The following WDR49 variants were observed in gnomAD, a reference collection of about 807,000 sequenced individuals.
WDR49 encodes the protein WD repeat domain 49, also known as cilia- and flagella-associated protein 337.
Under a neutral mutation model 119.5 loss-of-function variants are expected in WDR49, and 107 were observed. The observed-to-expected ratio is 0.90, with a 90% CI of 0.77 to 1.05. The LOEUF is 1.05. WDR49 is among the 50% of genes least tolerant of loss of function. WDR49 has a pLI of 0.00. For missense variants in WDR49, 1,240 were observed against 1,220.5 expected (o/e 1.02, Z -0.24); for synonymous variants, 425 against 418.8 (o/e 1.01, Z -0.18).
At chr3:167,556,495 AAG>A (rs1031607364) in intron 9 of WDR49, among the ~76,000 whole-genome samples, 1 of 152,204 alleles carries the variant, frequency 6.6e-6, no homozygotes, top group African/African-American at 2.4e-5. Flanking sequence ...GGCATACTTT[AAG>A]AGAGAGCATC....
chr3:167,590,453 G>T (rs894826712), intron 7 of WDR49, among the ~76,000 whole-genome samples: 1 of 151,946 alleles, frequency 6.6e-6, no homozygotes, highest in Non-Finnish European at 1.5e-5. Context: ...CCTTTACTTT[G>T]TGGAGTAGTT....
intron 7 of WDR49, among the ~76,000 whole-genome samples, chr3:167,580,109 A>C (rs1714459904): frequency 6.6e-6 from 1 of 152,206 alleles, no homozygotes; most frequent in South Asian, 2.1e-4. Context: ...AGTCTACAAC[A>C]GGTTACTTCT....
At chr3:167,655,376 T>C (rs1338491909), upstream of WDR49, among the ~76,000 whole-genome samples, 14 of 152,312 alleles carry the variant, frequency 9.2e-5, no homozygotes, top group South Asian at 1.7e-3. Context: ...ATGTGCCCGT[T>C]GCACTTTATT....
chr3:167,531,918 G>T (rs1380825058), intron 12 of WDR49, among the ~76,000 whole-genome samples: 1 of 152,062 alleles, frequency 6.6e-6, no homozygotes, highest in African/African-American at 2.4e-5. Context: ...ATGTCTTTTA[G>T]AAATTTGATA....
In WDR49 at chr3:167,627,100, G is replaced by A. The variant is rs767016971; in HGVS notation, c.358C>T (p.Arg120Ter). Residue 120 changes from arginine (R) to a stop codon, truncating the protein, a stop_gained, in exon 3 of 19, where the codon CGA (arginine) becomes TGA (stop). Transcript: ENST00000682715. LOFTEE classifies it high-confidence loss of function. ...ILLELYEQDE[R>*]AKATVVPQWK... ...TGGGGCACCACAGTTGCCTTTGCTC[G>A]TTCATCTTGCTCATAAAGCTCTAGC... 115 of 1,273,350 alleles carry A rather than the reference G, an allele frequency of 9.0e-5. No homozygotes were observed. Among genetic ancestry groups the A allele is most frequent in the Middle Eastern group, 4.0e-4 (2 of 4,946 alleles). 78.9% of individuals were successfully genotyped at this position (1,273,350 alleles called of 1,614,324 possible). A position where few individuals can be genotyped will look rare whatever the true frequency, so the allele number is the denominator to read the frequency against.
chr3:167,531,409 T>G, intron 12 of WDR49, 130 bp from the exon 13 acceptor site: 1 of 981,750 alleles, frequency 1.0e-6, no homozygotes, highest in Non-Finnish European at 1.5e-6. Flanking sequence ...AGACTTCCAG[T>G]CAACATCTAT....
chr3:167,631,653 C>T (rs6807003), intron 2 of WDR49, among the ~76,000 whole-genome samples: 43,685 of 151,844 alleles, frequency 0.29, 6,563 homozygotes, highest in African/African-American at 0.39. Context: ...CACATCGAAG[C>T]GAGAGTCAGG....
At position 167,551,249 on chromosome 3, in the gene WDR49, G is replaced by C. The variant is rs80328298; in HGVS notation, c.1823+3401C>G. Among the ~76,000 whole-genome samples the C allele has an allele frequency of 7.2e-3, 1,087 of 152,006 alleles. 16 individuals are homozygous for C. The highest frequency in any genetic ancestry group is 0.025 in the African/African-American group (1,024 of 41,486). On this transcript the variant is annotated intron_variant, in intron 10 of 18. Transcript: ENST00000682715. ...AAACAAGTGGATGCCCTTGAAACAG[G>C]AATCATGATTCTTTACATTCAGTAT... is the stretch of plus-strand genomic sequence containing the variant.
intron 10 of WDR49, among the ~76,000 whole-genome samples, chr3:167,553,128 A>G (rs1335803439): frequency 6.6e-6 from 1 of 152,128 alleles, no homozygotes; most frequent in Non-Finnish European, 1.5e-5. Flanking sequence ...AATCTATCTT[A>G]ACATAAAGCC....
intron 11 of WDR49, among the ~76,000 whole-genome samples, chr3:167,533,322 T>C (rs1752915200): frequency 6.6e-6 from 1 of 152,158 alleles, no homozygotes; most frequent in Admixed American, 6.5e-5. Context: ...GTTATTTAAC[T>C]CTGCTTGATG....
rs1247305449 is a variant in WDR49 at position 167,554,719 on chromosome 3, A to G, written c.1754T>C (p.Ile585Thr). Residue 585 changes from isoleucine to threonine, a missense_variant, in exon 10 of 19, where the codon ATT becomes ACT. Physicochemically the swap from Ile to Thr is moderately conservative, Grantham distance 89. Transcript: ENST00000682715. The stretch of plus-strand genomic sequence containing the variant: ...TGTAACCAGTATTTTCTTCTTAAGA[A>G]TGAGGATTTGTGAAATATCCACAGC... Reference protein sequence around the residue: ...DGAVDISQILILKKKILVTGW... With the variant: ...DGAVDISQILTLKKKILVTGW... 3 of 1,613,384 alleles carry G rather than the reference A, an allele frequency of 1.9e-6. No individual in the cohort carries two copies. In the South Asian group the frequency reaches 3.3e-5, roughly 18 times the overall value.
intron 16 of WDR49, among the ~76,000 whole-genome samples, chr3:167,519,200 G>C (rs1335862178): frequency 1.3e-5 from 2 of 152,036 alleles, no homozygotes; most frequent in Non-Finnish European, 2.9e-5. Flanking sequence ...GTTCACTCAT[G>C]GTCTAAGATG....
At chr3:167,589,836 A>C (rs1715014204) in intron 7 of WDR49, among the ~76,000 whole-genome samples, 1 of 152,024 alleles carries the variant, frequency 6.6e-6, no homozygotes, top group Non-Finnish European at 1.5e-5. Flanking sequence ...GGTTTTTCCA[A>C]ATACAAGATG....
intron 16 of WDR49, 137 bp downstream of exon 16, chr3:167,522,178 C>A: frequency 1.3e-6 from 1 of 793,350 alleles, no homozygotes; most frequent in Non-Finnish European, 1.9e-6. Flanking sequence ...TACGCACCTA[C>A]CAATCCCCCA....
chr3:167,514,479 A>C (rs543270487), intron 16 of WDR49, among the ~76,000 whole-genome samples: 2 of 152,278 alleles, frequency 1.3e-5, no homozygotes, highest in Admixed American at 1.3e-4. Flanking sequence ...AATTTACAGC[A>C]CTAAATGCCC....
intron 9 of WDR49, among the ~76,000 whole-genome samples, chr3:167,556,221 T>A (rs965870608): frequency 6.6e-6 from 1 of 152,170 alleles, no homozygotes; most frequent in African/African-American, 2.4e-5. Context: ...AAGAAAACGA[T>A]TTTGGAATCT....
intron 17 of WDR49, among the ~76,000 whole-genome samples, chr3:167,504,175 G>A (rs942055956): frequency 6.6e-6 from 1 of 152,104 alleles, no homozygotes; most frequent in African/African-American, 2.4e-5. Flanking sequence ...TCTGTAAAGA[G>A]GGCCACTGTT....
chr3:167,569,297 A>T (rs1288363461), intron 8 of WDR49, among the ~76,000 whole-genome samples: 5 of 152,110 alleles, frequency 3.3e-5, no homozygotes, highest in African/African-American at 9.7e-5. Flanking sequence ...TTTTGTTTAC[A>T]TTTCTCTTGA....
rs115926837 is a variant in WDR49 at position 167,585,728 on chromosome 3, G to A, written c.1276-9577C>T. Among the ~76,000 whole-genome samples the A allele has an allele frequency of 7.3e-3, 1,109 of 151,722 alleles. 24 individuals are homozygous for A. The highest frequency in any genetic ancestry group is 7.5e-3 in the Non-Finnish European group (512 of 67,912). The stretch of plus-strand genomic sequence containing the variant: ...ATATATAATAACATTAAATAAAGTT[G>A]TATTTTGTTATAATGACATATTATT... On this transcript the variant is annotated intron_variant, in intron 7 of 18. Transcript: ENST00000682715.
Sources: gnomAD v4.1 joint callset for allele counts (sites outside exome capture counted in the v4.1 genomes callset) on GRCh38, gnomAD v4.1.1 for gene constraint, MANE v1.5 for transcripts, NCBI Gene and HGNC (gene_info 2026-07-23, HGNC 2026-07-21) for gene names.